Variants in CFH observed in about 807,000 individuals in gnomAD.
The protein encoded by CFH is complement factor H, also known as H factor 1 (complement).
Under a neutral mutation model 147.3 loss-of-function variants are expected in CFH, and 53 were observed. That is an observed-to-expected ratio of 0.36 (90% CI 0.29 to 0.45). The LOEUF is 0.45. Ranked by LOEUF, CFH falls within the 20% of genes least tolerant of loss-of-function variation. The pLI, the probability that CFH is intolerant of heterozygous loss-of-function variation, is 1.00. For missense variants in CFH, 1,380 were observed against 1,498.0 expected (o/e 0.92, Z 1.30); for synonymous variants, 536 against 489.4 (o/e 1.10, Z -1.26).
rs1416313282 is a variant in CFH at position 196,740,888 on chromosome 1, TC to T, written c.2956+97del. 22 of 1,243,406 alleles carry T rather than the reference TC, an allele frequency of 1.8e-5. No individual in the cohort carries two copies. In the Admixed American group the frequency reaches 3.4e-4, roughly 19 times the overall value. The allele number at this position is 1,243,406 out of a possible 1,614,324, so 77.0% of individuals were successfully genotyped here. A position where few individuals can be genotyped will look rare whatever the true frequency, so the allele number is the denominator to read the frequency against. ...GAAAGTAAACAGGGACTCTAGAAATTCATAAGGTTTTCTTGAATATTCTGGA... is the reference window on the plus strand; with the variant it reads ...GAAAGTAAACAGGGACTCTAGAAATTATAAGGTTTTCTTGAATATTCTGGA... On this transcript the variant is annotated intron_variant, in intron 18 of 21. Transcript: ENST00000367429.
chr1:196,681,496 ACCCCT>A (rs1558158233), intron 6 of CFH, among the ~76,000 whole-genome samples: 1 of 149,620 alleles, frequency 6.7e-6, no homozygotes, highest in South Asian at 2.1e-4. Context: ...ACACACACAC[ACCCCT>A]CAAAGACTCT....
chr1:196,705,662 C>T (rs1159857909), intron 9 of CFH, among the ~76,000 whole-genome samples: 4 of 152,142 alleles, frequency 2.6e-5, no homozygotes, highest in African/African-American at 9.7e-5. Flanking sequence ...GCCTACTTTT[C>T]AAAACAGCTG....
chr1:196,734,462 C>T (rs1038793222), intron 15 of CFH, among the ~76,000 whole-genome samples: 5 of 152,018 alleles, frequency 3.3e-5, no homozygotes, highest in African/African-American at 1.2e-4. Context: ...AGAGAGAAAC[C>T]TGTACTTTAG....
Position 196,681,032 on chromosome 1 carries a change from T to C in CFH, c.790+1239T>C, listed in dbSNP as rs180733888. The stretch of plus-strand genomic sequence containing the variant: ...GTCCAACTATTTGTCTTCATGGCAT[T>C]CGTAGTTCCTAAGCAAAGGAAGTGC... On this transcript the variant is annotated intron_variant, in intron 6 of 21. Coordinates refer to ENST00000367429, the MANE Select transcript of CFH (RefSeq NM_000186.4). 3.4e-3 allele frequency among the ~76,000 whole-genome samples: 518 copies of C among 151,980 alleles called. 6 individuals are homozygous for C. Among genetic ancestry groups the C allele is most frequent in the African/African-American group, 0.012 (493 of 41,540 alleles).
intron 10 of CFH, 106 bp downstream of exon 10, chr1:196,714,023 A>G: frequency 9.8e-7 from 1 of 1,021,188 alleles, no homozygotes; most frequent in Non-Finnish European, 1.5e-6. Flanking sequence ...AAAAGATAAG[A>G]AAAAAAAACC....
At chr1:196,741,048 T>C (rs563645995) in intron 18 of CFH, 11 of 471,870 alleles carry the variant, frequency 2.3e-5, no homozygotes, top group Non-Finnish European at 3.9e-5. Flanking sequence ...TCTCTGTTCT[T>C]AGGGCACAGC....
At chr1:196,669,850 G>C (rs1176911199) in intron 1 of CFH, among the ~76,000 whole-genome samples, 1 of 152,182 alleles carries the variant, frequency 6.6e-6, no homozygotes, top group East Asian at 1.9e-4. Flanking sequence ...TAGATTCACT[G>C]ACAGGTTGCA....
At chr1:196,727,122 C>T (rs1235221927) in intron 14 of CFH, among the ~76,000 whole-genome samples, 182 bp downstream of exon 14, 6 of 151,934 alleles carry the variant, frequency 3.9e-5, no homozygotes, top group Admixed American at 2.6e-4. Flanking sequence ...AAAAATAAAG[C>T]TAGTAATATA....
chr1:196,697,662 C>A (rs2149094248), intron 9 of CFH, among the ~76,000 whole-genome samples: 1 of 152,156 alleles, frequency 6.6e-6, no homozygotes, highest in East Asian at 1.9e-4. Flanking sequence ...TGGGTATATA[C>A]ACAAAGGATT....
At chr1:196,680,482 A>G (rs1005221663) in intron 6 of CFH, among the ~76,000 whole-genome samples, 2 of 151,916 alleles carry the variant, frequency 1.3e-5, no homozygotes, top group Non-Finnish European at 2.9e-5. Flanking sequence ...ATGGCCAAGA[A>G]GAGAGAATAT....
chr1:196,709,287 G>A (rs1558171011), intron 9 of CFH, among the ~76,000 whole-genome samples: 1 of 152,000 alleles, frequency 6.6e-6, no homozygotes, highest in Non-Finnish European at 1.5e-5. Context: ...TGTTTATAGG[G>A]ATTATAATTT....
At chr1:196,728,636 A>C in intron 15 of CFH, 114 bp downstream of exon 15, 1 of 1,025,164 alleles carries the variant, frequency 9.8e-7, no homozygotes, top group Non-Finnish European at 1.5e-6. Flanking sequence ...CTACTGAATA[A>C]GGCAGGTAAA....
At chr1:196,700,712 A>G (rs1668426268) in intron 9 of CFH, 5 of 410,722 alleles carry the variant, frequency 1.2e-5, no homozygotes. Context: ...CCTTGCAGTC[A>G]TTTACCTACA....
intron 11 of CFH, among the ~76,000 whole-genome samples, chr1:196,719,936 CTT>C (rs965408270): frequency 2.6e-5 from 4 of 151,188 alleles, no homozygotes; most frequent in African/African-American, 7.3e-5. Context: ...TTTTTTTTAA[CTT>C]AAAATATATT....
chr1:196,722,902 A>G (rs1255069062), intron 11 of CFH, among the ~76,000 whole-genome samples: 30 of 150,496 alleles, frequency 2.0e-4, no homozygotes, highest in Admixed American at 2.0e-3. Context: ...GTAATTCTTC[A>G]ATGAATTTTT....
chr1:196,706,747 A>G (rs1456392420), intron 9 of CFH, among the ~76,000 whole-genome samples: 1 of 152,152 alleles, frequency 6.6e-6, no homozygotes, highest in Non-Finnish European at 1.5e-5. Context: ...CTATCCAAAA[A>G]ATAATTTAAA....
At chr1:196,718,157 A>C (rs1558175283) in intron 11 of CFH, among the ~76,000 whole-genome samples, 1 of 152,122 alleles carries the variant, frequency 6.6e-6, no homozygotes, top group Non-Finnish European at 1.5e-5. Context: ...ACAGGAGAAA[A>C]TGGTGAAAAC....
rs1666518671 is a variant in CFH at position 196,652,109 on chromosome 1, A to T, written c.-9A>T. The T allele has an allele frequency of 6.2e-7, 1 of 1,601,814 alleles. No homozygotes were observed. Among genetic ancestry groups the T allele is most frequent in the Non-Finnish European group, 8.6e-7 (1 of 1,168,936 alleles). ...TAGCTGGTAAATGTCCTCTTAAAAGATCCAAAAAATGAGACTTCTAGCAAA... is the reference window on the plus strand; with the variant it reads ...TAGCTGGTAAATGTCCTCTTAAAAGTTCCAAAAAATGAGACTTCTAGCAAA... On this transcript the variant is annotated 5_prime_UTR_variant, in exon 1 of 22. Transcript: ENST00000367429.
chr1:196,658,411 T>TTTTTTTTTTTTG, intron 1 of CFH, among the ~76,000 whole-genome samples: 1 of 130,670 alleles, frequency 7.7e-6, no homozygotes, highest in African/African-American at 3.1e-5. Flanking sequence ...CAGGTAATTT[T>TTTTTTTTTTTTG]TTTTTTTTTT....
Sources: gnomAD v4.1 joint callset for allele counts (sites outside exome capture counted in the v4.1 genomes callset) on GRCh38, gnomAD v4.1.1 for gene constraint, MANE v1.5 for transcripts, NCBI Gene and HGNC (gene_info 2026-07-23, HGNC 2026-07-21) for gene names.